The following SAMD4B variants were observed in gnomAD, a reference collection of about 807,000 sequenced individuals.
The protein encoded by SAMD4B is sterile alpha motif domain containing 4B, also known as protein Smaug homolog 2.
Under a neutral mutation model 74.5 loss-of-function variants are expected in SAMD4B, and 5 were observed. The observed-to-expected ratio is 0.07, with a 90% confidence interval of 0.04 to 0.14. The LOEUF (loss-of-function observed/expected upper bound fraction) is 0.14, where lower values mean the gene tolerates loss of function less well. Among genes scored for constraint, SAMD4B ranks in the 10% least tolerant of loss-of-function variants. The pLI, the probability that SAMD4B is intolerant of heterozygous loss-of-function variation, is 1.00. For synonymous variants in SAMD4B, 373 were observed against 374.9 expected, an observed-to-expected ratio of 1.00 and a Z score of 0.06; for missense variants, 608 against 921.8, an observed-to-expected ratio of 0.66 and a Z score of 4.41.
chr19:39,360,371 A>G (rs899727850), intron 3 of SAMD4B, among the ~76,000 whole-genome samples: 2 of 152,168 alleles, frequency 1.3e-5, no homozygotes, highest in East Asian at 3.8e-4. Context: ...GAATGAATAT[A>G]TGAATCAAGG....
intron 3 of SAMD4B, 28 bp from the exon 4 acceptor site, chr19:39,369,627 C>T (rs1394804244): frequency 1.3e-6 from 2 of 1,597,450 alleles, no homozygotes; most frequent in Non-Finnish European, 1.7e-6. Flanking sequence ...CCTGGCTCTC[C>T]TGATATTTCT....
At chr19:39,386,275 C>G (rs776690401), downstream of SAMD4B, 2 of 1,614,056 alleles carry the variant, frequency 1.2e-6, no homozygotes, top group African/African-American at 2.7e-5. The surrounding 1 kb of genome is among the most constrained non-coding windows in gnomAD (Gnocchi z 6.1). Flanking sequence ...TCGCTGCTCT[C>G]GTCCTCACCA....
At chr19:39,361,869 A>T (rs1322971039) in intron 3 of SAMD4B, among the ~76,000 whole-genome samples, 1 of 151,448 alleles carries the variant, frequency 6.6e-6, no homozygotes, top group South Asian at 2.1e-4. Context: ...GGAGCTTGCA[A>T]TGATCCGAGA....
intron 4 of SAMD4B, 80 bp downstream of exon 4, chr19:39,370,205 G>A: frequency 7.4e-7 from 1 of 1,352,732 alleles, no homozygotes; most frequent in Non-Finnish European, 1.0e-6. Context: ...CTCTCGCTCT[G>A]TGGCATTAGA....
downstream of SAMD4B, chr19:39,389,621 T>A: frequency 6.2e-7 from 1 of 1,614,196 alleles, no homozygotes; most frequent in Non-Finnish European, 8.5e-7. The surrounding 1 kb of genome is among the most constrained non-coding windows in gnomAD (Gnocchi z 5.3). Flanking sequence ...GAGCAGACCC[T>A]CCCTGTCTCC....
Position 39,378,531 on chromosome 19 carries a change from C to T in SAMD4B, c.1472C>T (p.Pro491Leu). The T allele has an allele frequency of 6.2e-7, 1 of 1,614,042 alleles. No individual in the cohort carries two copies. Among genetic ancestry groups the T allele is most frequent in the Non-Finnish European group, 8.5e-7 (1 of 1,179,960 alleles). Residue 491 changes from proline (P) to leucine (L), a missense_variant, in exon 9 of 14, where the codon CCA becomes CTA. By Grantham distance (98) the Pro-to-Leu change is moderately conservative. Around this residue, in one of 9 missense-constraint regions of SAMD4B, gnomAD observed 27 missense variants for 48.6 expected, o/e 0.56. Coordinates refer to ENST00000610417, the MANE Select transcript of SAMD4B (RefSeq NM_001384574.2). This position sits in a 1 kb window ranked among gnomAD's most constrained non-coding sequence, Gnocchi z 4.4. ...TGCACCCAACTGCTGGTGTCCCGAC[C>T]AGACGAGGAGAACATCACCAGTTAC... ...KVCTQLLVSRPDEENITSYLQ... is the reference protein window; with the variant it reads ...KVCTQLLVSRLDEENITSYLQ...
chr19:39,374,833 C>T (rs2077511464), intron 4 of SAMD4B, among the ~76,000 whole-genome samples: 1 of 152,082 alleles, frequency 6.6e-6, no homozygotes, highest in Non-Finnish European at 1.5e-5. Context: ...GAGCAAGACT[C>T]CATCTCAAAA....
chr19:39,360,505 G>A (rs555380288), intron 3 of SAMD4B, among the ~76,000 whole-genome samples: 5 of 152,338 alleles, frequency 3.3e-5, no homozygotes, highest in African/African-American at 9.6e-5. Context: ...CAGGAAGCCT[G>A]CCAGGACTGG....
chr19:39,381,504 G>A (rs1469404961), intron 12 of SAMD4B, among the ~76,000 whole-genome samples: 2 of 152,190 alleles, frequency 1.3e-5, no homozygotes, highest in Non-Finnish European at 2.9e-5. Context: ...GTGGAGGGGA[G>A]TCCTGCCCAT....
At chr19:39,355,455 G>C (rs1222815684) in intron 2 of SAMD4B, among the ~76,000 whole-genome samples, 2 of 152,218 alleles carry the variant, frequency 1.3e-5, no homozygotes, top group African/African-American at 4.8e-5. Context: ...AGTTCAGAGA[G>C]ATGTGAGTAG....
At chr19:39,381,913 CAGTG>C (rs1482962890) in intron 12 of SAMD4B, among the ~76,000 whole-genome samples, 2 of 152,152 alleles carry the variant, frequency 1.3e-5, no homozygotes, top group Non-Finnish European at 2.9e-5. Context: ...GCCAGGGCGA[CAGTG>C]AGACCCCATC....
At chr19:39,387,021 CTG>C (rs896397972), downstream of SAMD4B, 1,049 of 592,884 alleles carry the variant, frequency 1.8e-3, no homozygotes, top group Middle Eastern at 2.4e-3. Flanking sequence ...TTGCCCTACA[CTG>C]TGTGTGTGTG....
rs553104620 is a variant in SAMD4B at position 39,372,597 on chromosome 19, A to T, written c.667+2472A>T. Among the ~76,000 whole-genome samples, 4 of 152,182 alleles carry T rather than the reference A, an allele frequency of 2.6e-5. No homozygotes were observed. The South Asian group carries it at 8.3e-4, about 32-fold the overall frequency. The stretch of plus-strand genomic sequence containing the variant: ...AAGAACAGATCAGGATTTCTTGGAG[A>T]GTGCAAGGCCCTGGATCTCTGGCCG... On this transcript the variant is annotated intron_variant, in intron 4 of 13. Coordinates refer to ENST00000610417, the MANE Select transcript of SAMD4B (RefSeq NM_001384574.2).
rs1415911960 is a variant in SAMD4B, at chr19:39,355,423, CCCT to C, written c.-205-1261_-205-1259del. 2.6e-5 allele frequency among the ~76,000 whole-genome samples: 4 copies of C among 152,292 alleles called. No individual in the cohort carries two copies. In the East Asian group the frequency reaches 7.7e-4, roughly 29 times the overall value. Reference sequence around the variant, plus strand: ...AGCTGTTGCCTAATGCACCCCACAGCCCTCCTCAGCAAGCGCACGGAAGTTCAG... The same window carrying C: ...AGCTGTTGCCTAATGCACCCCACAGCCCTCAGCAAGCGCACGGAAGTTCAG... On this transcript the variant is annotated intron_variant, in intron 2 of 13. Coordinates refer to ENST00000610417, the MANE Select transcript of SAMD4B (RefSeq NM_001384574.2).
rs985245479 is a variant in SAMD4B at position 39,374,005 on chromosome 19, C to T, written c.668-1645C>T. 5.9e-5 allele frequency among the ~76,000 whole-genome samples: 9 copies of T among 151,894 alleles called. No individual in the cohort carries two copies. In the East Asian group the frequency reaches 1.6e-3, roughly 26 times the overall value. ...TATATGACCAGGCACAGGTGGCTTACGCCTGTAATCCCAGCACTTTGGGAG... is the reference window on the plus strand; with the variant it reads ...TATATGACCAGGCACAGGTGGCTTATGCCTGTAATCCCAGCACTTTGGGAG... On this transcript the variant is annotated intron_variant, in intron 4 of 13. Transcript: ENST00000610417.
At chr19:39,345,235 C>A (rs1052387634) in intron 1 of SAMD4B, among the ~76,000 whole-genome samples, 6 of 152,162 alleles carry the variant, frequency 3.9e-5, no homozygotes, top group African/African-American at 1.4e-4. Flanking sequence ...CCCTACTGCC[C>A]ACTGCTGCTT....
chr19:39,379,819 C>T (rs1027930954), intron 9 of SAMD4B, 147 bp from the exon 10 acceptor site: 3 of 611,508 alleles, frequency 4.9e-6, no homozygotes, highest in Non-Finnish European at 8.5e-6. Context: ...GATCCACCCG[C>T]CTCAGCCTCC....
At chr19:39,367,750 C>A (rs2077051895) in intron 3 of SAMD4B, among the ~76,000 whole-genome samples, 1 of 151,002 alleles carries the variant, frequency 6.6e-6, no homozygotes, top group Admixed American at 6.6e-5. Context: ...CTCAGGTGAT[C>A]CACCTGCCTC....
intron 3 of SAMD4B, among the ~76,000 whole-genome samples, chr19:39,358,368 A>G (rs895687869): frequency 2.6e-5 from 4 of 152,214 alleles, no homozygotes. Flanking sequence ...ATAACCAAGT[A>G]ACTTAACCTC....
Sources: allele counts gnomAD v4.1 joint callset (sites outside exome capture counted in the v4.1 genomes callset), GRCh38; gene constraint gnomAD v4.1.1; regional missense constraint gnomAD v4.1.1; non-coding constraint Gnocchi (gnomAD v3.1); transcripts MANE v1.5; gene names NCBI Gene and HGNC (gene_info 2026-07-23, HGNC 2026-07-21).